The following BLTP1 variants were observed in gnomAD, a reference collection of about 807,000 sequenced individuals.
The protein encoded by BLTP1 is fragile site-associated protein.
At chr4:122,189,427 G>T in the BLTP1 span, 24 of 982,698 alleles carry the variant, frequency 2.4e-5, no homozygotes, top group Non-Finnish European at 2.9e-5. Flanking sequence ...CACGATGTTT[G>T]CTCTAGATTT....
the BLTP1 span, among the ~76,000 whole-genome samples, chr4:122,258,263 T>C: frequency 2.0e-5 from 3 of 152,206 alleles, no homozygotes; most frequent in Non-Finnish European, 4.4e-5. Context: ...CATTGATATA[T>C]AAAACTTTAC....
At chr4:122,266,892 A>G in the BLTP1 span, 1 of 1,612,746 alleles carries the variant, frequency 6.2e-7, no homozygotes, top group Admixed American at 1.7e-5. Flanking sequence ...GGGACTTTGG[A>G]CTGCCTCAGA....
At chr4:122,245,744 A>G in the BLTP1 span, among the ~76,000 whole-genome samples, 5 of 152,112 alleles carry the variant, frequency 3.3e-5, no homozygotes, top group African/African-American at 4.8e-5. Flanking sequence ...TTAGTTAACT[A>G]TTTATTTAAT....
the BLTP1 span, chr4:122,271,599 T>C: frequency 6.2e-7 from 1 of 1,613,182 alleles, no homozygotes. Context: ...TCAATTACAG[T>C]GTCAGAACAA....
the BLTP1 span, chr4:122,310,856 A>G: frequency 1.7e-6 from 1 of 599,442 alleles, no homozygotes; most frequent in South Asian, 7.4e-5. Context: ...CTTATTTGAA[A>G]TACTTCAGGT....
At chr4:122,159,714 C>G in the BLTP1 span, among the ~76,000 whole-genome samples, 95 of 152,142 alleles carry the variant, frequency 6.2e-4, no homozygotes, top group African/African-American at 1.9e-3. Flanking sequence ...AGATGGCCAT[C>G]CTACTATTTG....
chr4:122,154,563 A>G, the BLTP1 span: 7 of 879,518 alleles, frequency 8.0e-6, no homozygotes, highest in African/African-American at 1.8e-5. Flanking sequence ...CTATGTTTGT[A>G]AAGTGTTTTA....
chr4:122,316,912 C>G, the BLTP1 span: 1 of 1,293,268 alleles, frequency 7.7e-7, no homozygotes, highest in African/African-American at 1.5e-5. Flanking sequence ...ATTTTAGAAT[C>G]ATAAGATGTT....
the BLTP1 span, chr4:122,349,744 T>C: frequency 3.3e-6 from 5 of 1,538,124 alleles, no homozygotes; most frequent in South Asian, 1.3e-5. This position sits in a 1 kb window ranked among gnomAD's most constrained non-coding sequence, Gnocchi z 4.5. Flanking sequence ...AAAACTCTTA[T>C]TTATTATGCA....
the BLTP1 span, chr4:122,263,693 G>A: frequency 2.8e-6 from 2 of 723,080 alleles, no homozygotes; most frequent in African/African-American, 3.6e-5. Flanking sequence ...AATCAAACAA[G>A]TACTGTTTGG....
chr4:122,359,334 C>T, the BLTP1 span: 1 of 972,356 alleles, frequency 1.0e-6, no homozygotes, highest in Admixed American at 6.2e-5. Context: ...GCTATCAAGT[C>T]AATGATCTCA....
the BLTP1 span, chr4:122,247,528 C>T: frequency 9.6e-7 from 1 of 1,039,870 alleles, no homozygotes; most frequent in Non-Finnish European, 1.4e-6. Context: ...ACTTGTCACT[C>T]ACATTCTGTA....
the BLTP1 span, among the ~76,000 whole-genome samples, chr4:122,233,459 A>G: frequency 6.6e-6 from 1 of 152,254 alleles, no homozygotes; most frequent in Non-Finnish European, 1.5e-5. Flanking sequence ...ACTCAAAGCC[A>G]TGCATTCTAC....
chr4:122,260,532 T>A, the BLTP1 span, among the ~76,000 whole-genome samples: 1 of 152,224 alleles, frequency 6.6e-6, no homozygotes, highest in African/African-American at 2.4e-5. Context: ...GAGATTTCCA[T>A]TCTCACTTAT....
chr4:122,212,294 C>T, the BLTP1 span, among the ~76,000 whole-genome samples: 1 of 152,054 alleles, frequency 6.6e-6, no homozygotes, highest in South Asian at 2.1e-4. Context: ...TTTGTAGATA[C>T]CTAGAGTTTC....
At chr4:122,309,491 G>A in the BLTP1 span, 1 of 1,579,188 alleles carries the variant, frequency 6.3e-7, no homozygotes, top group Non-Finnish European at 8.6e-7. Context: ...TCTATATACA[G>A]TTTAGAACTT....
At chr4:122,272,296 G>C in the BLTP1 span, 1 of 1,613,272 alleles carries the variant, frequency 6.2e-7, no homozygotes, top group East Asian at 2.2e-5. Flanking sequence ...TAGTGTTTGG[G>C]ATTGGCATGG....
the BLTP1 span, among the ~76,000 whole-genome samples, chr4:122,262,291 G>GT: frequency 6.6e-6 from 1 of 151,880 alleles, no homozygotes; most frequent in Middle Eastern, 3.2e-3. Flanking sequence ...TCAGGCTACT[G>GT]TTTTTCTTTG....
the BLTP1 span, chr4:122,354,174 C>T: frequency 4.5e-5 from 9 of 200,226 alleles, no homozygotes; most frequent in Non-Finnish European, 5.3e-5. Context: ...TATTTAATAC[C>T]ACCCTGGTAA....
Sources: gnomAD v4.1 joint callset for allele counts (sites outside exome capture counted in the v4.1 genomes callset) on GRCh38, gnomAD v4.1.1 for gene constraint, Gnocchi (gnomAD v3.1) non-coding constraint, MANE v1.5 for transcripts, NCBI Gene and HGNC (gene_info 2026-07-23, HGNC 2026-07-21) for gene names.